FN1: variants seen among roughly 807,000 people sequenced by gnomAD.
The protein encoded by FN1 is fibronectin 1, also known as fibronectin.
Under a neutral mutation model 297.3 loss-of-function variants are expected in FN1, and 106 were observed. The ratio of observed to expected loss-of-function variants is 0.36; its 90% CI spans 0.30 to 0.42. FN1 has a LOEUF of 0.42. FN1 is among the 10% of genes least tolerant of loss of function. The probability of loss-of-function intolerance (pLI) is 1.00; values close to 1 mark genes in which losing one functional copy is unlikely to be tolerated. For synonymous variants in FN1, 1,149 were observed against 1,152.6 expected (o/e 1.00, Z 0.06); for missense variants, 2,690 against 3,124.9 (o/e 0.86, Z 3.32).
intron 44 of FN1, chr2:215,362,401 GA>G: frequency 2.9e-6 from 1 of 341,468 alleles, no homozygotes; most frequent in South Asian, 2.9e-5. Flanking sequence ...TGCACTAGAT[GA>G]TAGAAAAGGT....
At chr2:215,385,079 C>T in intron 28 of FN1, 103 bp from the exon 29 acceptor site, 1 of 838,370 alleles carries the variant, frequency 1.2e-6, no homozygotes, top group Non-Finnish European at 2.0e-6. Context: ...TTCTTCCATA[C>T]AATCATGTAA....
intron 27 of FN1, among the ~76,000 whole-genome samples, chr2:215,387,884 C>CA (rs555253591): frequency 2.6e-5 from 4 of 152,088 alleles, no homozygotes; most frequent in Non-Finnish European, 5.9e-5. Flanking sequence ...AAATAGATGA[C>CA]AATGAGTGTT....
chr2:215,375,442 A>C, intron 37 of FN1, 49 bp from the exon 38 acceptor site: 1 of 1,550,258 alleles, frequency 6.5e-7, no homozygotes, highest in Non-Finnish European at 8.8e-7. Context: ...AACCAAGAAA[A>C]TTACTCCCAC....
At chr2:215,429,902 A>T (rs1393570030) in intron 5 of FN1, among the ~76,000 whole-genome samples, 5 of 152,212 alleles carry the variant, frequency 3.3e-5, no homozygotes, top group Non-Finnish European at 7.3e-5. Flanking sequence ...AATTTGTCTT[A>T]AGCTAAAATA....
intron 25 of FN1, chr2:215,392,555 T>G: frequency 3.3e-6 from 1 of 300,230 alleles, no homozygotes; most frequent in Non-Finnish European, 6.5e-6. Context: ...TGATGGTACA[T>G]TTTGGTGATA....
rs2066372319 is a variant in FN1, at chr2:215,430,790, G to T, written c.610C>A (p.Pro204Thr). The change falls in exon 5 of 46, where the codon CCC (proline) becomes ACC (threonine). Residue 204 changes from proline (P) to threonine (T), a missense_variant. Pro to Thr is a conservative substitution (Grantham distance 38). Around this residue, in one of 3 missense-constraint regions of FN1, gnomAD observed 876 missense variants for 1,058.1 expected, o/e 0.83. Transcript: ENST00000354785. ...SYVVGETWEK[P>T]YQGWMMVDCT... ...TCTACCATCATCCAGCCTTGGTAGG[G>T]CTTCTCCCACGTTTCTCCGACCACA... 2 of 1,613,924 alleles carry T rather than the reference G, an allele frequency of 1.2e-6. No individual in the cohort carries two copies. The highest frequency in any genetic ancestry group is 1.3e-5 in the African/African-American group (1 of 74,932).
At chr2:215,428,466 G>A (rs552412038) in intron 5 of FN1, 128 bp from the exon 6 acceptor site, 188 of 790,552 alleles carry the variant, frequency 2.4e-4, no homozygotes, top group Non-Finnish European at 3.7e-4. Flanking sequence ...TTCAGCTCTG[G>A]TGCTGCAAGG....
intron 2 of FN1, among the ~76,000 whole-genome samples, chr2:215,434,168 T>C (rs2067035523): frequency 6.6e-6 from 1 of 152,028 alleles, no homozygotes; most frequent in African/African-American, 2.4e-5. Context: ...GCCTTGACAG[T>C]TGTTAATCCT....
chr2:215,399,953 C>T (rs1335729432), intron 20 of FN1, among the ~76,000 whole-genome samples: 2 of 151,624 alleles, frequency 1.3e-5, no homozygotes, highest in Non-Finnish European at 2.9e-5. Flanking sequence ...TTTGGGAAGC[C>T]GAGGTGGGTG....
At chr2:215,416,880 T>C (rs1468852042) in intron 12 of FN1, among the ~76,000 whole-genome samples, 1 of 152,224 alleles carries the variant, frequency 6.6e-6, no homozygotes, top group Non-Finnish European at 1.5e-5. Context: ...AGGTCCCTTT[T>C]GCTTTCATAA....
In FN1 at chr2:215,425,089, C is replaced by T. The variant is rs571770973; in HGVS notation, c.1036+5G>A. On this transcript the variant is annotated splice_donor_5th_base_variant and intron_variant, in intron 7 of 45. Transcript: ENST00000354785. The stretch of plus-strand genomic sequence containing the variant: ...AGTCCTATTCTTCAAAAAGATAATG[C>T]ATACCTGTCTCTTGGCAGCTGACTC... The T allele has an allele frequency of 4.3e-6, 7 of 1,613,420 alleles. No individual in the cohort carries two copies. The East Asian group carries it at 1.3e-4, about 31-fold the overall frequency.
At chr2:215,401,259 A>G (rs9751659) in intron 20 of FN1, among the ~76,000 whole-genome samples, 42,511 of 79,548 alleles carry the variant, frequency 0.53, 11,138 homozygotes, top group Non-Finnish European at 0.59. Context: ...AGGAAGAAAG[A>G]AAGGAAGGAA....
chr2:215,428,939 C>A (rs868238634), intron 5 of FN1, among the ~76,000 whole-genome samples: 1 of 151,976 alleles, frequency 6.6e-6, no homozygotes, highest in Non-Finnish European at 1.5e-5. Context: ...CGCTTGAACC[C>A]GGGAGGTGGA....
chr2:215,367,157 A>T (rs1436921927), intron 42 of FN1, among the ~76,000 whole-genome samples: 1 of 152,236 alleles, frequency 6.6e-6, no homozygotes, highest in East Asian at 1.9e-4. Context: ...GTCAATAATC[A>T]TCACATCTCC....
At position 215,384,643 on chromosome 2, in the gene FN1, C is replaced by T. The variant is rs2058669734; in HGVS notation, c.4729+217G>A. The T allele has an allele frequency of 2.6e-5, 13 of 495,480 alleles. No individual in the cohort carries two copies. In the Middle Eastern group the frequency reaches 1.7e-3, roughly 64 times the overall value. 30.7% of individuals were successfully genotyped at this position (495,480 alleles called of 1,614,324 possible). On this transcript the variant is annotated intron_variant, in intron 29 of 45. Transcript: ENST00000354785. The stretch of plus-strand genomic sequence containing the variant: ...AATCCTTTTATTTCCTCAGCTCTGC[C>T]GTTCCCCCTCTAGTTGTAGTATATA...
At chr2:215,373,851 T>G (rs1445015295) in intron 38 of FN1, among the ~76,000 whole-genome samples, 1 of 151,772 alleles carries the variant, frequency 6.6e-6, no homozygotes, top group Non-Finnish European at 1.5e-5. Context: ...GCTAATTTTG[T>G]TTTTGTATTT....
intron 36 of FN1, among the ~76,000 whole-genome samples, chr2:215,376,239 A>T (rs1230335151): frequency 6.6e-6 from 1 of 152,220 alleles, no homozygotes. Context: ...AATTTTTTAA[A>T]TAAGAAAGGG....
chr2:215,380,884 A>G lies in FN1; in HGVS notation c.5361T>C (p.Ser1787=). Residue 1787 remains serine, a synonymous_variant, in exon 33 of 46, where the codon TCT becomes TCC. Coordinates refer to ENST00000354785, the MANE Select transcript of FN1 (RefSeq NM_212482.4). ...TAELQGLRPG[S]EYTVSVVALH... ...AGGCAACCACACTGACTGTGTACTCAGAACCCGGTCTGAGGCCTTGCAGCT... is the reference window on the plus strand; with the variant it reads ...AGGCAACCACACTGACTGTGTACTCGGAACCCGGTCTGAGGCCTTGCAGCT... 1 of 1,614,176 alleles carries G rather than the reference A, an allele frequency of 6.2e-7. No individual in the cohort carries two copies. The highest frequency in any genetic ancestry group is 1.3e-5 in the African/African-American group (1 of 75,054).
intron 29 of FN1, 116 bp from the exon 30 acceptor site, chr2:215,384,300 C>G: frequency 9.6e-7 from 1 of 1,040,906 alleles, no homozygotes; most frequent in South Asian, 1.3e-5. Context: ...TTGCTTATTC[C>G]CTTTTAAAGA....
Sources: gnomAD v4.1 joint callset for allele counts (sites outside exome capture counted in the v4.1 genomes callset) on GRCh38, gnomAD v4.1.1 for gene constraint, gnomAD v4.1.1 regional missense constraint, MANE v1.5 for transcripts, NCBI Gene and HGNC (gene_info 2026-07-23, HGNC 2026-07-21) for gene names.